PNLIPRP3: variants seen among roughly 807,000 people sequenced by gnomAD.
PNLIPRP3 encodes the protein pancreatic lipase related protein 3.
In PNLIPRP3, 58 loss-of-function variants were observed where a neutral mutation model predicts 52.8. The ratio of observed to expected loss-of-function variants is 1.10; its 90% CI spans 0.89 to 1.37. The LOEUF (loss-of-function observed/expected upper bound fraction) is 1.37. Among genes scored for constraint, PNLIPRP3 ranks in the 40% most tolerant of loss-of-function variants. PNLIPRP3 has a pLI of 0.00. For synonymous variants in PNLIPRP3, 192 were observed against 185.0 expected, an observed-to-expected ratio of 1.04 and a Z score of -0.31; for missense variants, 593 against 561.6, an observed-to-expected ratio of 1.06 and a Z score of -0.57.
At chr10:116,474,993 A>G (rs943622658) in intron 10 of PNLIPRP3, among the ~76,000 whole-genome samples, 2 of 152,212 alleles carry the variant, frequency 1.3e-5, no homozygotes, top group Non-Finnish European at 2.9e-5. Flanking sequence ...GCATATGTTC[A>G]TGCAGCACTA....
chr10:116,446,511 A>G (rs1252308649), intron 4 of PNLIPRP3, among the ~76,000 whole-genome samples: 2 of 152,172 alleles, frequency 1.3e-5, no homozygotes, highest in South Asian at 2.1e-4. Context: ...AAAAAATGGA[A>G]TATTTGATCA....
intron 4 of PNLIPRP3, among the ~76,000 whole-genome samples, chr10:116,447,247 G>T (rs976574384): frequency 1.3e-5 from 2 of 152,150 alleles, no homozygotes; most frequent in Non-Finnish European, 2.9e-5. Flanking sequence ...AGATGCTTGA[G>T]GGCTGCTAAG....
chr10:116,472,553 A>G (rs1846389957), intron 10 of PNLIPRP3, among the ~76,000 whole-genome samples: 1 of 152,212 alleles, frequency 6.6e-6, no homozygotes, highest in East Asian at 1.9e-4. Flanking sequence ...TGTGATTTCC[A>G]TCATCCTCAA....
chr10:116,469,447 CAGTG>C, intron 9 of PNLIPRP3, 130 bp downstream of exon 9: 1 of 901,926 alleles, frequency 1.1e-6, no homozygotes, highest in Non-Finnish European at 1.6e-6. Flanking sequence ...AAGAACAACA[CAGTG>C]AGGTCTTTAA....
intron 2 of PNLIPRP3, among the ~76,000 whole-genome samples, chr10:116,440,548 C>A (rs538893350): frequency 2.6e-5 from 4 of 152,224 alleles, no homozygotes; most frequent in South Asian, 4.2e-4. Flanking sequence ...TTTCCACAGG[C>A]CTGACTCATA....
chr10:116,432,020 G>T (rs532018392), intron 1 of PNLIPRP3, among the ~76,000 whole-genome samples: 4 of 151,950 alleles, frequency 2.6e-5, no homozygotes, highest in Admixed American at 6.6e-5. Context: ...CCTGCTTTAG[G>T]TTCCTCCTAG....
intron 1 of PNLIPRP3, among the ~76,000 whole-genome samples, chr10:116,435,816 T>C (rs777643685): frequency 2.6e-4 from 39 of 152,226 alleles, no homozygotes; most frequent in Non-Finnish European, 5.1e-4. Flanking sequence ...TTAGGTAATT[T>C]TTTTACAGAA....
rs141648227 is a variant in PNLIPRP3, at chr10:116,460,179, T to A, written c.566-787T>A. Among the ~76,000 whole-genome samples, 474 of 152,328 alleles carry A rather than the reference T, an allele frequency of 3.1e-3. 2 individuals carry two copies. The highest frequency in any genetic ancestry group is 4.5e-3 in the Non-Finnish European group (304 of 68,032). On this transcript the variant is annotated intron_variant, in intron 5 of 11. Coordinates refer to ENST00000369230, the MANE Select transcript of PNLIPRP3 (RefSeq NM_001011709.3). ...ACCACTGCCTCTGCACGGAGGACAC[T>A]GACTGGGGTGCCTTTCCCATCAAAT...
chr10:116,434,782 A>G (rs1845752721), intron 1 of PNLIPRP3, among the ~76,000 whole-genome samples: 4 of 152,220 alleles, frequency 2.6e-5, no homozygotes, highest in African/African-American at 9.6e-5. Flanking sequence ...TTAGAAAGCC[A>G]TGATCCAACT....
At chr10:116,437,108 A>T (rs1488154100) in intron 2 of PNLIPRP3, among the ~76,000 whole-genome samples, 1 of 152,162 alleles carries the variant, frequency 6.6e-6, no homozygotes, top group Non-Finnish European at 1.5e-5. Flanking sequence ...TAAACTTGAT[A>T]TTATGTTCAG....
intron 1 of PNLIPRP3, among the ~76,000 whole-genome samples, chr10:116,430,087 A>T (rs887593462): frequency 4.6e-5 from 7 of 152,154 alleles, no homozygotes; most frequent in African/African-American, 1.7e-4. Context: ...GTGAGAGAAG[A>T]TGGAGTCTTA....
chr10:116,442,968 G>T (rs1845878946), intron 2 of PNLIPRP3, 87 bp from the exon 3 acceptor site: 1 of 1,020,446 alleles, frequency 9.8e-7, no homozygotes. Context: ...TTAGTGAAAG[G>T]CTTTCGAGCA....
rs770531573 is a variant in PNLIPRP3, at chr10:116,475,428, A to G, written c.1173-1224A>G. The stretch of plus-strand genomic sequence containing the variant: ...TGTACCCCTGACCTTGTTTAAAAAA[A>G]ATGTCCAGCTTCACCATAGGTTATA... On this transcript the variant is annotated intron_variant, in intron 10 of 11. Coordinates refer to ENST00000369230, the MANE Select transcript of PNLIPRP3 (RefSeq NM_001011709.3). 9.2e-5 allele frequency among the ~76,000 whole-genome samples: 14 copies of G among 152,318 alleles called. No homozygotes were observed. The Middle Eastern group carries it at 0.01, about 111-fold the overall frequency.
At chr10:116,437,271 G>T (rs1234186829) in intron 2 of PNLIPRP3, among the ~76,000 whole-genome samples, 2 of 152,154 alleles carry the variant, frequency 1.3e-5, no homozygotes, top group Non-Finnish European at 2.9e-5. Context: ...CACAAATTAT[G>T]ATCTGTGATG....
chr10:116,431,343 C>T (rs1398228535), intron 1 of PNLIPRP3, among the ~76,000 whole-genome samples: 1 of 152,184 alleles, frequency 6.6e-6, no homozygotes, highest in South Asian at 2.1e-4. Flanking sequence ...CAGTGAACTA[C>T]CAAATGCTAC....
intron 1 of PNLIPRP3, among the ~76,000 whole-genome samples, chr10:116,433,146 A>AAAAAAATTT (rs1845730843): frequency 7.0e-6 from 1 of 143,490 alleles, no homozygotes; most frequent in Non-Finnish European, 1.5e-5. Flanking sequence ...AAAAAAAAAA[A>AAAAAAATTT]GTCTTGGAGT....
chr10:116,443,031 T>G, intron 2 of PNLIPRP3, 24 bp from the exon 3 acceptor site: 1 of 1,506,572 alleles, frequency 6.6e-7, no homozygotes, highest in Non-Finnish European at 9.0e-7. Flanking sequence ...TTATTTTTCC[T>G]TAATCTCTTT....
intron 4 of PNLIPRP3, 80 bp downstream of exon 4, chr10:116,444,593 C>CT (rs376173651): frequency 6.5e-6 from 9 of 1,381,428 alleles, no homozygotes; most frequent in South Asian, 5.1e-5. Flanking sequence ...AATTTAATGT[C>CT]TTTTTTTATT....
chr10:116,437,292 C>T (rs1564692931), intron 2 of PNLIPRP3, among the ~76,000 whole-genome samples: 2 of 152,146 alleles, frequency 1.3e-5, no homozygotes, highest in Non-Finnish European at 2.9e-5. Flanking sequence ...TAAGATGCAA[C>T]TGAAAGACTC....
Sources: allele counts gnomAD v4.1 joint callset (sites outside exome capture counted in the v4.1 genomes callset), GRCh38; gene constraint gnomAD v4.1.1; transcripts MANE v1.5; gene names NCBI Gene and HGNC (gene_info 2026-07-23, HGNC 2026-07-21).